The following SGCZ variants were observed in gnomAD, a reference collection of about 807,000 sequenced individuals.
SGCZ encodes sarcoglycan zeta.
A neutral mutation model predicts 41.3 loss-of-function variants in SGCZ; 40 were observed. The observed-to-expected ratio is 0.97, with a 90% CI of 0.75 to 1.26. The LOEUF (loss-of-function observed/expected upper bound fraction) is 1.26. Ranked by LOEUF, SGCZ falls within the 50% of genes most tolerant of loss-of-function variation. SGCZ has a pLI of 0.00. For synonymous variants in SGCZ, 206 were observed against 137.5 expected, an observed-to-expected ratio of 1.50 and a Z score of -3.49; for missense variants, 552 against 369.8, an observed-to-expected ratio of 1.49 and a Z score of -4.04.
chr8:14,717,422 T>A (rs1300906514), intron 1 of SGCZ, among the ~76,000 whole-genome samples: 2 of 152,118 alleles, frequency 1.3e-5, no homozygotes, highest in Non-Finnish European at 2.9e-5. Flanking sequence ...ATAGACAATT[T>A]CTACTTTTCG....
intron 6 of SGCZ, among the ~76,000 whole-genome samples, chr8:14,105,473 A>T (rs549348834): frequency 2.6e-5 from 4 of 152,172 alleles, no homozygotes; most frequent in Non-Finnish European, 5.9e-5. Flanking sequence ...AGAAGTAGGC[A>T]TCAACCAACA....
chr8:14,487,737 T>C (rs1398709472), intron 2 of SGCZ: 2 of 152,170 alleles, frequency 1.3e-5, no homozygotes, highest in East Asian at 3.8e-4. Context: ...TTAATATAAT[T>C]TTAAGGTATT....
rs947620161 is a variant in SGCZ at position 14,751,784 on chromosome 8, G to C, written c.40-196858C>G. Among the ~76,000 whole-genome samples, 3 of 148,048 alleles carry C rather than the reference G, an allele frequency of 2.0e-5. No individual in the cohort carries two copies. The Admixed American group carries it at 2.1e-4, about 10-fold the overall frequency. The stretch of plus-strand genomic sequence containing the variant: ...AGGATGGTCTTGATTTCCTGACCTC[G>C]TGATCTGCCCACCTCGGCCTCCCAA... On this transcript the variant is annotated intron_variant, in intron 1 of 7. Transcript: ENST00000382080.
At chr8:14,196,321 T>C (rs1031044684) in intron 4 of SGCZ, among the ~76,000 whole-genome samples, 3 of 151,494 alleles carry the variant, frequency 2.0e-5, no homozygotes, top group Non-Finnish European at 2.9e-5. Flanking sequence ...TGGAGTGCAA[T>C]GGTGTGATCT....
At chr8:14,587,220 G>T (rs1396338489) in intron 1 of SGCZ, among the ~76,000 whole-genome samples, 3 of 151,732 alleles carry the variant, frequency 2.0e-5, no homozygotes, top group Non-Finnish European at 4.4e-5. Flanking sequence ...TGATAATAAA[G>T]TTTCAACCAA....
At chr8:15,215,228 C>T (rs1201515534) in intron 1 of SGCZ, among the ~76,000 whole-genome samples, 3 of 152,118 alleles carry the variant, frequency 2.0e-5, no homozygotes, top group Admixed American at 1.3e-4. Flanking sequence ...TATTGCTCTT[C>T]AAGATATTAA....
intron 1 of SGCZ, among the ~76,000 whole-genome samples, chr8:14,675,899 T>C (rs1159023265): frequency 6.6e-5 from 10 of 152,138 alleles, no homozygotes; most frequent in Non-Finnish European, 1.5e-5. Flanking sequence ...GGAGACAGGT[T>C]TCAGAGGTCA....
intron 1 of SGCZ, among the ~76,000 whole-genome samples, chr8:14,933,921 A>G (rs1192898312): frequency 1.3e-5 from 2 of 152,028 alleles, no homozygotes; most frequent in Non-Finnish European, 2.9e-5. Context: ...GACAAAATAT[A>G]CAGAAGAAAA....
intron 1 of SGCZ, among the ~76,000 whole-genome samples, chr8:14,580,743 G>C (rs1046167546): frequency 3.9e-5 from 6 of 152,168 alleles, no homozygotes; most frequent in Non-Finnish European, 7.3e-5. Flanking sequence ...CTTTAACCAA[G>C]CTGTAAGAAC....
In SGCZ at chr8:15,056,998, C is replaced by T. The variant is rs879061470; in HGVS notation, c.39+180587G>A. On this transcript the variant is annotated intron_variant, in intron 1 of 7. Transcript: ENST00000382080. ...ACTCACCTCTGCCAGATTGCGTGCA[C>T]GAGGCTCTGAGGATGTGAGGTCACA... 2.6e-5 allele frequency among the ~76,000 whole-genome samples: 4 copies of T among 152,218 alleles called. No homozygotes were observed. The East Asian group carries it at 5.8e-4, about 22-fold the overall frequency.
At position 14,308,653 on chromosome 8, in the gene SGCZ, T is replaced by C. The variant is rs550634508; in HGVS notation, c.336+15450A>G. Among the ~76,000 whole-genome samples the C allele has an allele frequency of 9.9e-5, 15 of 152,164 alleles. 1 individual carries two copies. The South Asian group carries it at 2.9e-3, about 29-fold the overall frequency. On this transcript the variant is annotated intron_variant, in intron 3 of 7. Transcript: ENST00000382080. ...AAAACATCCATCCAGACAATAAAAATATTCTAATTTATAATACATAAGAGG... is the reference window on the plus strand; with the variant it reads ...AAAACATCCATCCAGACAATAAAAACATTCTAATTTATAATACATAAGAGG...
At chr8:14,694,118 T>C (rs1045310711) in intron 1 of SGCZ, among the ~76,000 whole-genome samples, 1 of 152,144 alleles carries the variant, frequency 6.6e-6, no homozygotes, top group African/African-American at 2.4e-5. Flanking sequence ...TGATTGAATA[T>C]AATATGTATG....
intron 1 of SGCZ, among the ~76,000 whole-genome samples, chr8:14,673,619 T>C (rs954658625): frequency 6.6e-5 from 10 of 152,148 alleles, no homozygotes; most frequent in African/African-American, 2.4e-4. Context: ...TCTGGCAATA[T>C]TTTTATAGCA....
intron 5 of SGCZ, among the ~76,000 whole-genome samples, chr8:14,156,433 C>G (rs1235665910): frequency 6.6e-6 from 1 of 151,974 alleles, no homozygotes; most frequent in African/African-American, 2.4e-5. Flanking sequence ...TTCACTCCAG[C>G]CTGGGTGACG....
intron 3 of SGCZ, among the ~76,000 whole-genome samples, chr8:14,265,346 C>T (rs112028056): frequency 8.5e-5 from 13 of 152,134 alleles, no homozygotes; most frequent in African/African-American, 2.4e-4. Context: ...TTCTTTATAG[C>T]ATTCTGATTT....
intron 3 of SGCZ, among the ~76,000 whole-genome samples, chr8:14,275,681 T>G (rs1800205309): frequency 6.6e-6 from 1 of 152,172 alleles, no homozygotes; most frequent in South Asian, 2.1e-4. Flanking sequence ...TCTTCTTTCC[T>G]GGAATGCTTC....
At chr8:14,201,846 T>C (rs1049468163) in intron 4 of SGCZ, among the ~76,000 whole-genome samples, 1 of 148,940 alleles carries the variant, frequency 6.7e-6, no homozygotes, top group South Asian at 2.1e-4. Flanking sequence ...GTATCACTAG[T>C]GAGATCTTTA....
chr8:15,139,849 C>T (rs566058016), intron 1 of SGCZ, among the ~76,000 whole-genome samples: 23 of 152,170 alleles, frequency 1.5e-4, no homozygotes, highest in South Asian at 4.2e-4. Flanking sequence ...AATAATGACA[C>T]GGTAGTCACT....
At chr8:15,038,859 G>T (rs796846413) in intron 1 of SGCZ, among the ~76,000 whole-genome samples, 7 of 143,582 alleles carry the variant, frequency 4.9e-5, no homozygotes, top group African/African-American at 1.8e-4. Context: ...AAAGAAAACA[G>T]GCCAAAAGAT....
Sources: gnomAD v4.1 joint callset for allele counts (sites outside exome capture counted in the v4.1 genomes callset) on GRCh38, gnomAD v4.1.1 for gene constraint, MANE v1.5 for transcripts, NCBI Gene and HGNC (gene_info 2026-07-23, HGNC 2026-07-21) for gene names.